CCHCR1: variants seen among roughly 807,000 people sequenced by gnomAD.
CCHCR1 encodes the protein HCR (a-helix coiled-coil rod homologue).
CCHCR1 carries 91 observed loss-of-function variants against 114.6 expected under a neutral mutation model. That is an observed-to-expected ratio of 0.79 (90% CI 0.67 to 0.94). The LOEUF is 0.94. Among genes scored for constraint, CCHCR1 ranks in the 40% least tolerant of loss-of-function variants. The pLI is 0.00. For synonymous variants in CCHCR1, 379 were observed against 428.5 expected, an observed-to-expected ratio of 0.88 and a Z score of 1.43; for missense variants, 899 against 1,079.9, an observed-to-expected ratio of 0.83 and a Z score of 2.35.
chr6:31,149,044 C>T (rs1213930084), intron 8 of CCHCR1: 3 of 286,808 alleles, frequency 1.0e-5, no homozygotes, highest in East Asian at 7.5e-5. Context: ...CCCAGCTACT[C>T]GGGAGGCTGA....
At chr6:31,156,707 A>G in intron 3 of CCHCR1, 24 bp downstream of exon 3, 2 of 1,590,154 alleles carry the variant, frequency 1.3e-6, no homozygotes, top group Non-Finnish European at 1.7e-6. Flanking sequence ...CAAGCCTGAG[A>G]AAACGGCGTG....
intron 1 of CCHCR1, 108 bp from the exon 2 acceptor site, chr6:31,157,197 C>T: frequency 9.4e-7 from 1 of 1,063,428 alleles, no homozygotes; most frequent in Non-Finnish European, 1.4e-6. Context: ...TAGCCAGGTC[C>T]ACCCGATGCT....
intron 10 of CCHCR1, 58 bp from the exon 11 acceptor site, chr6:31,145,866 C>CTG (rs1774260258): frequency 9.4e-7 from 1 of 1,058,900 alleles, no homozygotes; most frequent in African/African-American, 1.6e-5. Flanking sequence ...AAAGGACTTG[C>CTG]TGTGCCTTGT....
In CCHCR1 at chr6:31,145,084, G is replaced by C. The variant is rs762225280; in HGVS notation, c.1877-11C>G. The C allele has an allele frequency of 6.3e-6, 10 of 1,599,056 alleles. No individual in the cohort carries two copies. The highest frequency in any genetic ancestry group is 8.5e-6 in the Non-Finnish European group (10 of 1,175,730). On this transcript the variant is annotated splice_polypyrimidine_tract_variant and intron_variant, in intron 13 of 17. Transcript: ENST00000396268. ...GCCGCTCTGCCTCCCCTAAAAGGAG[G>C]GGGTGCTGGGTCAGGCCTCTCCCAG...
At position 31,152,866 on chromosome 6, in the gene CCHCR1, C is replaced by T. The variant is rs561388635; in HGVS notation, c.801+1630G>A. Among the ~76,000 whole-genome samples the T allele has an allele frequency of 2.0e-5, 3 of 152,292 alleles. No individual in the cohort carries two copies. The East Asian group carries it at 5.8e-4, about 29-fold the overall frequency. On this transcript the variant is annotated intron_variant, in intron 4 of 17. Transcript: ENST00000396268. ...GGGCTCTGCAGCACACTCAGTGCCCCTCATCTCTGTGCCCCAGCCTTCTGG... is the reference window on the plus strand; with the variant it reads ...GGGCTCTGCAGCACACTCAGTGCCCTTCATCTCTGTGCCCCAGCCTTCTGG...
Position 31,150,872 on chromosome 6 carries a change from G to A in CCHCR1, c.966-12C>T. The A allele has an allele frequency of 6.2e-7, 1 of 1,612,300 alleles. No individual in the cohort carries two copies. The highest frequency in any genetic ancestry group is 8.5e-7 in the Non-Finnish European group (1 of 1,179,626). Reference sequence around the variant, plus strand: ...CTTCCTGGGTCTTGCTAGGGTTGGGGTGGGAATGGGACAGCCATCAGTGGG... The same window carrying A: ...CTTCCTGGGTCTTGCTAGGGTTGGGATGGGAATGGGACAGCCATCAGTGGG... On this transcript the variant is annotated splice_polypyrimidine_tract_variant and intron_variant, in intron 5 of 17. Coordinates refer to ENST00000396268, the MANE Select transcript of CCHCR1 (RefSeq NM_001105564.2). The surrounding 1 kb of genome is among the most constrained non-coding windows in gnomAD (Gnocchi z 5.3).
Position 31,145,766 on chromosome 6 carries a change from C to G in CCHCR1, c.1623G>C (p.Gly541=). 1 of 1,613,064 alleles carries G rather than the reference C, an allele frequency of 6.2e-7. No homozygotes were observed. ...WLETTMAKVE[G]AAAQLPSLNN... Reference sequence around the variant, plus strand: ...TGAGGCTGGGAAGCTGGGCGGCAGCCCCTTCCACCTTAGCCATGGTGGTCT... The same window carrying G: ...TGAGGCTGGGAAGCTGGGCGGCAGCGCCTTCCACCTTAGCCATGGTGGTCT... The change falls in exon 11 of 18, where the codon GGG becomes GGC. Residue 541 remains glycine, a synonymous_variant. Transcript: ENST00000396268.
intron 1 of CCHCR1, 87 bp from the exon 2 acceptor site, chr6:31,157,176 T>C: frequency 1.7e-6 from 2 of 1,202,668 alleles, no homozygotes; most frequent in Non-Finnish European, 2.4e-6. Context: ...AAAGTCATAA[T>C]CCTTGAATTA....
In CCHCR1 at chr6:31,154,796, G is replaced by A; in HGVS notation, c.501C>T (p.Ser167=). 6.2e-7 allele frequency: 1 copy of A among 1,600,842 alleles called. No individual in the cohort carries two copies. The highest frequency in any genetic ancestry group is 8.5e-7 in the Non-Finnish European group (1 of 1,178,372). ...GGGCCTGTGACCCCTCCAGCCCCCA[G>A]GACCTTCAAAGACAGGTTAGTGCAG... The part of the protein sequence containing the change: ...DRQEPGRRGR[S]WGLEGSQALS... Residue 167 remains serine, a synonymous_variant, in exon 4 of 18, where the codon TCC becomes TCT. Coordinates refer to ENST00000396268, the MANE Select transcript of CCHCR1 (RefSeq NM_001105564.2). This position sits in a 1 kb window ranked among gnomAD's most constrained non-coding sequence, Gnocchi z 4.1.
At chr6:31,146,341 T>A (rs113983472) in intron 10 of CCHCR1, among the ~76,000 whole-genome samples, 1 of 151,932 alleles carries the variant, frequency 6.6e-6, no homozygotes, top group African/African-American at 2.4e-5. Flanking sequence ...CGAGACTCCA[T>A]CTCAAAAAAA....
Position 31,155,254 on chromosome 6 carries a change from G to A in CCHCR1, c.498-455C>T, listed in dbSNP as rs1022172341. Among the ~76,000 whole-genome samples the A allele has an allele frequency of 5.3e-5, 8 of 152,136 alleles. No homozygotes were observed. The East Asian group carries it at 1.5e-3, about 29-fold the overall frequency. On this transcript the variant is annotated intron_variant, in intron 3 of 17. Coordinates refer to ENST00000396268, the MANE Select transcript of CCHCR1 (RefSeq NM_001105564.2). ...GGGCAAGAAGTTTGAGGGAGGAATG[G>A]GCATAGAGAGGTCGTAAGCTTCCAG...
At chr6:31,145,352 C>A (rs747559173) in intron 12 of CCHCR1, 50 bp from the exon 13 acceptor site, 25 of 1,612,638 alleles carry the variant, frequency 1.6e-5, no homozygotes, top group Non-Finnish European at 2.0e-5. Flanking sequence ...GCTGCCTGAT[C>A]CCAAAGCCCC....
chr6:31,150,186 C>T lies in CCHCR1; in HGVS notation c.1242G>A (p.Glu414=), dbSNP rs1376043812. 6.2e-7 allele frequency: 1 copy of T among 1,614,070 alleles called. No homozygotes were observed. Among genetic ancestry groups the T allele is most frequent in the Non-Finnish European group, 8.5e-7 (1 of 1,180,032 alleles). ...KVQPSDSLEP[E]FTRKCQSLLN... ...GCAGGGACTGGCACTTCCTGGTAAA[C>T]TCAGGCTCCAGGGAATCTGAAGGTT... The change falls in exon 8 of 18, where the codon GAG becomes GAA. Residue 414 remains glutamate, a synonymous_variant. Transcript: ENST00000396268. The surrounding 1 kb of genome is among the most constrained non-coding windows in gnomAD (Gnocchi z 5.3).
rs761177244 is a variant in CCHCR1, at chr6:31,144,669, C to T, written c.2167+18G>A. ...TTCCTTCTTCCTGGAAGGCCCTATC[C>T]ACCCTGGCAAGGCTCACCGGCCTTG... On this transcript the variant is annotated intron_variant, in intron 15 of 17. Coordinates refer to ENST00000396268, the MANE Select transcript of CCHCR1 (RefSeq NM_001105564.2). The surrounding 1 kb of genome is among the most constrained non-coding windows in gnomAD (Gnocchi z 4.6). 2.6e-6 allele frequency: 4 copies of T among 1,548,180 alleles called. No homozygotes were observed. The East Asian group carries it at 6.8e-5, about 26-fold the overall frequency.
chr6:31,151,323 A>G lies in CCHCR1; in HGVS notation c.802-201T>C, dbSNP rs1271559767. 6.6e-6 allele frequency among the ~76,000 whole-genome samples: 1 copy of G among 152,090 alleles called. No individual in the cohort carries two copies. Among genetic ancestry groups the G allele is most frequent in the Non-Finnish European group, 1.5e-5 (1 of 68,008 alleles). On this transcript the variant is annotated intron_variant, in intron 4 of 17. Coordinates refer to ENST00000396268, the MANE Select transcript of CCHCR1 (RefSeq NM_001105564.2). The surrounding 1 kb of genome is among the most constrained non-coding windows in gnomAD (Gnocchi z 4.1). ...GTTCTTGTCCGATCTCCCCCAAAAC[A>G]TATCTTCACCTCTCTGTCTCCGTCT...
chr6:31,144,892 G>A lies in CCHCR1; in HGVS notation c.2058C>T (p.Tyr686=), dbSNP rs969812007. Residue 686 remains tyrosine, a synonymous_variant, in exon 14 of 18, where the codon TAC becomes TAT. Transcript: ENST00000396268. This position sits in a 1 kb window ranked among gnomAD's most constrained non-coding sequence, Gnocchi z 4.6. ...CCATTTCCCTCTCGACACCTTGCCC[G>A]TAGAGTTCCTGCTGCTGGGTCAGCT... ...RQELTQQQEL[Y]GQALQEKVAE... is the part of the protein sequence containing the mutation. 13 of 1,613,294 alleles carry A rather than the reference G, an allele frequency of 8.1e-6. No homozygotes were observed. The East Asian group carries it at 1.3e-4, about 17-fold the overall frequency.
intron 1 of CCHCR1, 38 bp from the exon 2 acceptor site, chr6:31,157,127 T>A: frequency 6.5e-7 from 1 of 1,531,336 alleles, no homozygotes; most frequent in Non-Finnish European, 9.0e-7. Context: ...CCAATTCAAT[T>A]TTCAGGCCAC....
rs1247034405 is a variant in CCHCR1 at position 31,148,729 on chromosome 6, C to T, written c.1363-1G>A. ...TCACTTTTTCCTGGAGTGAGGCCAC[C>T]TGGGGGAGGAGAGAGAGCTAGGCAG... On this transcript the variant is annotated splice_acceptor_variant, in intron 8 of 17. Transcript: ENST00000396268. LOFTEE classifies it high-confidence loss of function. The T allele has an allele frequency of 6.3e-7, 1 of 1,596,372 alleles. No homozygotes were observed. Among genetic ancestry groups the T allele is most frequent in the East Asian group, 2.2e-5 (1 of 44,768 alleles).
At chr6:31,157,998 C>G (rs1004742618), upstream of CCHCR1, 2 of 269,092 alleles carry the variant, frequency 7.4e-6, no homozygotes, top group Non-Finnish European at 1.5e-5. Flanking sequence ...CCCCTAGATA[C>G]CCGAGGCTTC....
Sources: allele counts gnomAD v4.1 joint callset (sites outside exome capture counted in the v4.1 genomes callset), GRCh38; gene constraint gnomAD v4.1.1; non-coding constraint Gnocchi (gnomAD v3.1); transcripts MANE v1.5; gene names NCBI Gene and HGNC (gene_info 2026-07-23, HGNC 2026-07-21).